The following CAPN5 variants were observed in gnomAD, a reference collection of about 807,000 sequenced individuals.
CAPN5 encodes the protein calpain-5.
Under a neutral mutation model 73.0 loss-of-function variants are expected in CAPN5, and 54 were observed. That is an observed-to-expected ratio of 0.74 (90% CI 0.59 to 0.93). CAPN5 has a LOEUF of 0.93. Among genes scored for constraint, CAPN5 ranks in the 40% least tolerant of loss-of-function variants. The pLI is 0.00. For missense variants in CAPN5, 785 were observed against 882.9 expected, an observed-to-expected ratio of 0.89 and a Z score of 1.41; for synonymous variants, 335 against 356.9, an observed-to-expected ratio of 0.94 and a Z score of 0.69.
At chr11:77,117,664 C>A (rs1950482196) in intron 7 of CAPN5, among the ~76,000 whole-genome samples, 1 of 152,218 alleles carries the variant, frequency 6.6e-6, no homozygotes, top group Non-Finnish European at 1.5e-5. Context: ...TCACAGTGTG[C>A]AGTGACCATA....
intron 3 of CAPN5, among the ~76,000 whole-genome samples, chr11:77,100,536 C>A (rs1471875098): frequency 2.0e-5 from 3 of 152,164 alleles, no homozygotes; most frequent in African/African-American, 4.8e-5. Context: ...GCCCCTAAAT[C>A]CTCATCAGTA....
At chr11:77,118,113 G>A (rs544418215) in intron 7 of CAPN5, 44 bp from the exon 8 acceptor site, 1 of 1,552,770 alleles carries the variant, frequency 6.4e-7, no homozygotes, top group South Asian at 1.2e-5. Context: ...AGAGCCTGGG[G>A]AGGTGTGGGG....
chr11:77,076,136 C>T (rs1369103384), intron 1 of CAPN5, among the ~76,000 whole-genome samples: 2 of 152,070 alleles, frequency 1.3e-5, no homozygotes, highest in Non-Finnish European at 2.9e-5. Context: ...CCAAGGCAGG[C>T]AGATCACTGG....
chr11:77,071,132 G>A (rs1359956277), intron 1 of CAPN5, among the ~76,000 whole-genome samples: 2 of 151,642 alleles, frequency 1.3e-5, no homozygotes, highest in African/African-American at 2.4e-5. Flanking sequence ...CCCAGCTCCC[G>A]CCCCCACCCC....
intron 1 of CAPN5, among the ~76,000 whole-genome samples, chr11:77,083,062 A>G (rs961279655): frequency 6.6e-6 from 1 of 151,972 alleles, no homozygotes; most frequent in Non-Finnish European, 1.5e-5. Context: ...TCAGACCTCC[A>G]AGGCAGGGAG....
intron 5 of CAPN5, 46 bp downstream of exon 5, chr11:77,114,480 C>T (rs965946205): frequency 2.1e-5 from 32 of 1,541,170 alleles, no homozygotes; most frequent in East Asian, 4.5e-5. Context: ...CCTTCACCCT[C>T]GCTGACTGAG....
intron 1 of CAPN5, among the ~76,000 whole-genome samples, chr11:77,080,417 C>A (rs1950016413): frequency 6.6e-6 from 1 of 152,170 alleles, no homozygotes; most frequent in African/African-American, 2.4e-5. Context: ...GGCTCCATGA[C>A]CCCATCTCTC....
intron 1 of CAPN5, 21 bp from the exon 2 acceptor site, chr11:77,084,831 T>C (rs1385145363): frequency 6.2e-7 from 1 of 1,609,646 alleles, no homozygotes; most frequent in East Asian, 2.2e-5. Flanking sequence ...TGAGTGACCG[T>C]CTTCTTGCCT....
At chr11:77,071,239 G>C (rs1164297895) in intron 1 of CAPN5, among the ~76,000 whole-genome samples, 1 of 152,226 alleles carries the variant, frequency 6.6e-6, no homozygotes, top group East Asian at 1.9e-4. Flanking sequence ...AGCCTTGGAG[G>C]CTGGGCGCTG....
chr11:77,112,573 C>A lies in CAPN5; in HGVS notation c.298-16C>A. The A allele has an allele frequency of 6.2e-7, 1 of 1,608,668 alleles. No individual in the cohort carries two copies. Among genetic ancestry groups the A allele is most frequent in the South Asian group, 1.1e-5 (1 of 90,942 alleles). ...TCACTGTGTTCCCCCATCCTATCCC[C>A]CCTCCCCCTACCCAGGTCATCCCAG... On this transcript the variant is annotated splice_polypyrimidine_tract_variant and intron_variant, in intron 3 of 12. Transcript: ENST00000648180.
intron 3 of CAPN5, among the ~76,000 whole-genome samples, chr11:77,095,624 C>T (rs899817093): frequency 2.6e-5 from 4 of 152,226 alleles, no homozygotes; most frequent in Admixed American, 2.0e-4. Flanking sequence ...CCCCAGACCT[C>T]CCAGGGCCTT....
chr11:77,087,008 GAC>G (rs1950093762), intron 2 of CAPN5, among the ~76,000 whole-genome samples: 1 of 152,208 alleles, frequency 6.6e-6, no homozygotes, highest in South Asian at 2.1e-4. Context: ...GCCCTTTCTA[GAC>G]ACGCAGAGCT....
At chr11:77,094,744 G>C (rs1395808602) in intron 3 of CAPN5, among the ~76,000 whole-genome samples, 4 of 152,234 alleles carry the variant, frequency 2.6e-5, no homozygotes, top group Non-Finnish European at 4.4e-5. Flanking sequence ...GACAATCGGA[G>C]TAGCTGTCTC....
At chr11:77,123,023 TG>T (rs1555043194) in intron 12 of CAPN5, among the ~76,000 whole-genome samples, 5 of 152,322 alleles carry the variant, frequency 3.3e-5, no homozygotes. Flanking sequence ...CATTTCCCCG[TG>T]GGGGGCCCAC....
intron 1 of CAPN5, among the ~76,000 whole-genome samples, chr11:77,069,194 T>G (rs1949876140): frequency 1.3e-5 from 2 of 152,278 alleles, no homozygotes; most frequent in East Asian, 3.9e-4. Context: ...TGTCTCAGTT[T>G]TCTCATGTGC....
At chr11:77,105,019 G>T (rs1555039639) in intron 3 of CAPN5, among the ~76,000 whole-genome samples, 2 of 151,976 alleles carry the variant, frequency 1.3e-5, no homozygotes, top group Admixed American at 6.6e-5. Context: ...CTCGGCCATT[G>T]CCTGCCCTGC....
intron 2 of CAPN5, among the ~76,000 whole-genome samples, chr11:77,089,007 C>G (rs1555036067): frequency 6.6e-6 from 1 of 152,148 alleles, no homozygotes; most frequent in African/African-American, 2.4e-5. Context: ...TCCTGTGCAC[C>G]ACTTTGTCCC....
At chr11:77,083,945 A>T (rs532313779) in intron 1 of CAPN5, among the ~76,000 whole-genome samples, 59 of 152,222 alleles carry the variant, frequency 3.9e-4, no homozygotes, top group African/African-American at 1.3e-3. Flanking sequence ...CCCCAAAAGG[A>T]TTGCACTGTT....
At chr11:77,072,057 G>A (rs1434212088) in intron 1 of CAPN5, among the ~76,000 whole-genome samples, 2 of 152,130 alleles carry the variant, frequency 1.3e-5, no homozygotes, top group Non-Finnish European at 2.9e-5. Context: ...CTCCTTTCCC[G>A]TTGACCTTCT....
Sources: allele counts gnomAD v4.1 joint callset (sites outside exome capture counted in the v4.1 genomes callset), GRCh38; gene constraint gnomAD v4.1.1; transcripts MANE v1.5; gene names NCBI Gene and HGNC (gene_info 2026-07-23, HGNC 2026-07-21).